MROH9: variants seen among roughly 807,000 people sequenced by gnomAD.
MROH9 encodes maestro heat-like repeat-containing protein family member 9.
MROH9 carries 92 observed loss-of-function variants against 98.2 expected under a neutral mutation model. That is an observed-to-expected ratio of 0.94 (90% CI 0.79 to 1.11). MROH9 has a LOEUF of 1.11. Among genes scored for constraint, MROH9 ranks in the 50% most tolerant of loss-of-function variants. The pLI is 0.00. For synonymous variants in MROH9, 397 were observed against 368.9 expected (o/e 1.08, Z -0.87); for missense variants, 1,057 against 1,014.8 (o/e 1.04, Z -0.57).
At chr1:170,986,484 C>G in intron 9 of MROH9, 77 bp from the exon 10 acceptor site, 1 of 1,492,284 alleles carries the variant, frequency 6.7e-7, no homozygotes, top group Non-Finnish European at 9.0e-7. Context: ...TTGAGCATCC[C>G]CCACCATGTC....
chr1:171,010,310 CCA>C (rs1158976747), intron 15 of MROH9, among the ~76,000 whole-genome samples: 1 of 152,142 alleles, frequency 6.6e-6, no homozygotes, highest in East Asian at 1.9e-4. Context: ...TGTATATGTG[CCA>C]CATTTTCTTT....
At chr1:170,941,090 T>C (rs1351095499) in intron 1 of MROH9, among the ~76,000 whole-genome samples, 1 of 152,220 alleles carries the variant, frequency 6.6e-6, no homozygotes, top group Non-Finnish European at 1.5e-5. Flanking sequence ...ATTGATCTCC[T>C]GACCTCCCTA....
intron 6 of MROH9, among the ~76,000 whole-genome samples, chr1:170,963,129 T>A (rs1384247352): frequency 1.3e-5 from 2 of 149,392 alleles, no homozygotes; most frequent in Non-Finnish European, 3.0e-5. Context: ...GAACTTAAGT[T>A]TACAAGAAAA....
intron 20 of MROH9, among the ~76,000 whole-genome samples, chr1:171,033,093 A>G (rs28690884): frequency 0.3 from 45,760 of 152,238 alleles, 8,024 homozygotes; most frequent in Middle Eastern, 0.5. Flanking sequence ...CGGAGGGACA[A>G]GTCTTGGGAC....
intron 3 of MROH9, among the ~76,000 whole-genome samples, chr1:170,956,692 T>A (rs1228513342): frequency 6.7e-6 from 1 of 149,118 alleles, no homozygotes; most frequent in Non-Finnish European, 1.5e-5. Context: ...TACTGATTTG[T>A]GTACATTAAT....
At chr1:171,038,496 CA>C (rs1207941115) in intron 20 of MROH9, among the ~76,000 whole-genome samples, 1 of 152,156 alleles carries the variant, frequency 6.6e-6, no homozygotes, top group African/African-American at 2.4e-5. Context: ...AATCTCCTCT[CA>C]AGAGAATATA....
intron 20 of MROH9, among the ~76,000 whole-genome samples, chr1:171,037,057 G>A (rs1316491084): frequency 2.0e-5 from 3 of 151,766 alleles, no homozygotes; most frequent in Non-Finnish European, 2.9e-5. Context: ...TATTTTTTAA[G>A]TCCATAGGTA....
intron 17 of MROH9, among the ~76,000 whole-genome samples, chr1:171,022,288 A>T (rs1197897249): frequency 6.6e-6 from 1 of 152,206 alleles, no homozygotes; most frequent in African/African-American, 2.4e-5. Context: ...CTTTAAAGAC[A>T]CATGCACATG....
intron 20 of MROH9, among the ~76,000 whole-genome samples, chr1:171,044,116 G>C (rs909159136): frequency 6.6e-6 from 1 of 152,056 alleles, no homozygotes; most frequent in South Asian, 2.1e-4. Flanking sequence ...GTCATATATG[G>C]TTTTTATTAT....
At chr1:170,954,784 T>C (rs1020141282) in intron 3 of MROH9, among the ~76,000 whole-genome samples, 3 of 152,076 alleles carry the variant, frequency 2.0e-5, no homozygotes, top group African/African-American at 7.2e-5. Flanking sequence ...TTAATAATAT[T>C]GAGCATTTTT....
intron 1 of MROH9, among the ~76,000 whole-genome samples, chr1:170,939,425 G>A (rs1420543640): frequency 6.6e-6 from 1 of 152,182 alleles, no homozygotes; most frequent in Non-Finnish European, 1.5e-5. Context: ...GGGCTATAGG[G>A]ATACAGTCAT....
chr1:170,974,730 G>A (rs1176297138), intron 8 of MROH9, among the ~76,000 whole-genome samples: 1 of 151,934 alleles, frequency 6.6e-6, no homozygotes, highest in African/African-American at 2.4e-5. Flanking sequence ...GGAATGAAGA[G>A]CACTGGAAAA....
Position 171,064,172 on chromosome 1 carries a change from G to GA in MROH9, c.2424dup (p.Ala809SerfsTer3), listed in dbSNP as rs1557920112. On this transcript the variant is annotated frameshift_variant, in exon 22 of 22. Transcript: ENST00000367759. LOFTEE classifies it low-confidence loss of function (END_TRUNC). ...CTGAAATAACCTATGATATTTTTAA[G>GA]AAAAAAGCCCATAAACTGACCTCTG... The GA allele has an allele frequency of 1.9e-6, 3 of 1,550,800 alleles. No homozygotes were observed. The highest frequency in any genetic ancestry group is 1.4e-5 in the African/African-American group (1 of 72,968).
intron 16 of MROH9, among the ~76,000 whole-genome samples, chr1:171,015,417 T>C (rs1277307692): frequency 6.6e-6 from 1 of 152,226 alleles, no homozygotes; most frequent in Non-Finnish European, 1.5e-5. Context: ...TCATATACTG[T>C]TGGTAAAGAC....
At chr1:170,939,896 A>G (rs73034283) in intron 1 of MROH9, among the ~76,000 whole-genome samples, 1 of 152,282 alleles carries the variant, frequency 6.6e-6, no homozygotes, top group African/African-American at 2.4e-5. Flanking sequence ...TTGCACTTCA[A>G]TTCACTGCCA....
At chr1:171,058,142 T>C (rs564481517) in intron 20 of MROH9, among the ~76,000 whole-genome samples, 1 of 152,268 alleles carries the variant, frequency 6.6e-6, no homozygotes, top group East Asian at 1.9e-4. Flanking sequence ...TTTAGCAAAG[T>C]GTCAGGATAC....
intron 5 of MROH9, 51 bp downstream of exon 5, chr1:170,959,648 C>A (rs746547135): frequency 3.9e-6 from 6 of 1,546,132 alleles, no homozygotes; most frequent in Admixed American, 1.8e-5. Context: ...CACATCACAG[C>A]AATCCTGCAG....
chr1:170,988,884 G>C (rs1234576596), intron 10 of MROH9, among the ~76,000 whole-genome samples: 2 of 152,098 alleles, frequency 1.3e-5, no homozygotes, highest in Non-Finnish European at 1.5e-5. Flanking sequence ...AGAGGTATTT[G>C]CATTTAAAAT....
chr1:170,989,117 C>A (rs968385326), intron 10 of MROH9, among the ~76,000 whole-genome samples: 4 of 152,016 alleles, frequency 2.6e-5, no homozygotes, highest in African/African-American at 4.8e-5. Context: ...AAATTTGCAT[C>A]AACTAATTTT....
Sources: allele counts gnomAD v4.1 joint callset (sites outside exome capture counted in the v4.1 genomes callset), GRCh38; gene constraint gnomAD v4.1.1; transcripts MANE v1.5; gene names NCBI Gene and HGNC (gene_info 2026-07-23, HGNC 2026-07-21).